KIAA1328: variants seen among roughly 807,000 people sequenced by gnomAD.
KIAA1328 encodes the protein KIAA1328, also known as protein hinderin.
In KIAA1328, 52 loss-of-function variants were observed where a neutral mutation model predicts 68.1. The ratio of observed to expected loss-of-function variants is 0.76; its 90% CI spans 0.61 to 0.96. The LOEUF is 0.96. KIAA1328 is among the 40% of genes least tolerant of loss of function. The pLI is 0.00. For missense variants in KIAA1328, 641 were observed against 677.6 expected, an observed-to-expected ratio of 0.95 and a Z score of 0.60; for synonymous variants, 232 against 239.4, an observed-to-expected ratio of 0.97 and a Z score of 0.28.
chr18:36,992,080 A>G (rs1031769835), intron 6 of KIAA1328, among the ~76,000 whole-genome samples: 4 of 152,170 alleles, frequency 2.6e-5, no homozygotes, highest in African/African-American at 9.7e-5. Context: ...ATGTCTTTTC[A>G]AGTTTTTGCC....
intron 8 of KIAA1328, among the ~76,000 whole-genome samples, chr18:37,171,680 G>A (rs1344719012): frequency 1.3e-5 from 2 of 152,138 alleles, no homozygotes; most frequent in African/African-American, 4.8e-5. Context: ...AGAATGAATT[G>A]TGCATTTAGA....
chr18:37,040,211 T>G (rs1196758865), intron 6 of KIAA1328, among the ~76,000 whole-genome samples: 3 of 152,236 alleles, frequency 2.0e-5, no homozygotes, highest in Non-Finnish European at 1.5e-5. Flanking sequence ...TTATGGTTAG[T>G]AGCAACAAAG....
rs115729832 is a variant in KIAA1328 at position 36,858,315 on chromosome 18, A to T, written c.332+14013A>T. Among the ~76,000 whole-genome samples, 998 of 152,216 alleles carry T rather than the reference A, an allele frequency of 6.6e-3. 15 individuals are homozygous for T. The highest frequency in any genetic ancestry group is 0.022 in the African/African-American group (924 of 41,544). ...TTTCTGATGTTAATATATCCATGGC[A>T]GCTTTCTTTAAAATTAGCATTTGCA... On this transcript the variant is annotated intron_variant, in intron 4 of 9. Coordinates refer to ENST00000280020, the MANE Select transcript of KIAA1328 (RefSeq NM_020776.3).
chr18:37,216,280 G>T (rs323483), intron 9 of KIAA1328, among the ~76,000 whole-genome samples: 62,829 of 151,934 alleles, frequency 0.41, 14,989 homozygotes, highest in African/African-American at 0.66. Flanking sequence ...CTTGTGGGCA[G>T]TTAGTGCTAT....
At chr18:36,836,962 C>T (rs1424480185) in intron 3 of KIAA1328, among the ~76,000 whole-genome samples, 1 of 152,106 alleles carries the variant, frequency 6.6e-6, no homozygotes, top group East Asian at 1.9e-4. Flanking sequence ...ATCATTACTT[C>T]ATTCCTTTTT....
intron 5 of KIAA1328, among the ~76,000 whole-genome samples, chr18:36,911,740 C>G (rs1226410481): frequency 6.6e-6 from 1 of 152,134 alleles, no homozygotes; most frequent in Non-Finnish European, 1.5e-5. Context: ...GATCAAATTA[C>G]TTTTTAAAGC....
chr18:37,062,098 T>G (rs185721438), intron 6 of KIAA1328, among the ~76,000 whole-genome samples: 7 of 152,242 alleles, frequency 4.6e-5, no homozygotes, highest in Non-Finnish European at 1.0e-4. Flanking sequence ...AACATGTTAG[T>G]GTAGAGTGAT....
At chr18:36,917,611 A>G (rs1239085465) in intron 5 of KIAA1328, among the ~76,000 whole-genome samples, 1 of 152,102 alleles carries the variant, frequency 6.6e-6, no homozygotes, top group African/African-American at 2.4e-5. Flanking sequence ...GAAATTTTTT[A>G]TTAGTTCATT....
At chr18:37,158,305 G>A (rs1599460549) in intron 7 of KIAA1328, among the ~76,000 whole-genome samples, 5 of 152,112 alleles carry the variant, frequency 3.3e-5, no homozygotes, top group Admixed American at 3.3e-4. Context: ...TGTTGAAAGA[G>A]GGATGCATTT....
At chr18:36,909,530 A>G (rs1568151167) in intron 5 of KIAA1328, among the ~76,000 whole-genome samples, 2 of 152,228 alleles carry the variant, frequency 1.3e-5, no homozygotes, top group South Asian at 4.2e-4. Flanking sequence ...AATCCAGTCT[A>G]TCATTGTTGG....
intron 5 of KIAA1328, among the ~76,000 whole-genome samples, chr18:36,949,519 T>TA (rs1405826963): frequency 2.7e-5 from 4 of 150,400 alleles, no homozygotes; most frequent in Non-Finnish European, 4.4e-5. Flanking sequence ...AGGTAGTTTC[T>TA]AAAATCCATA....
At chr18:36,945,886 T>C (rs770964590) in intron 5 of KIAA1328, among the ~76,000 whole-genome samples, 21 of 152,226 alleles carry the variant, frequency 1.4e-4, no homozygotes, top group Non-Finnish European at 2.9e-4. Context: ...TGTTATTACA[T>C]GTTGAATATC....
Position 37,222,682 on chromosome 18 carries a change from C to G in KIAA1328, c.*455C>G. 3.4e-5 allele frequency: 34 copies of G among 1,012,942 alleles called. No homozygotes were observed. Among genetic ancestry groups the G allele is most frequent in the Non-Finnish European group, 3.9e-5 (33 of 847,282 alleles). The allele number at this position is 1,012,942 out of a possible 1,614,324, so 62.7% of individuals were successfully genotyped here. A position where few individuals can be genotyped will look rare whatever the true frequency, so the allele number is the denominator to read the frequency against. On this transcript the variant is annotated 3_prime_UTR_variant, in exon 10 of 10. Transcript: ENST00000280020. ...CAGAAAGGCAGACTCTCTCATCTTT[C>G]TCATCCTGTTCTCTCACTACTACAT... is the stretch of plus-strand genomic sequence containing the variant.
intron 5 of KIAA1328, among the ~76,000 whole-genome samples, chr18:36,919,477 A>G (rs919380134): frequency 6.6e-6 from 1 of 152,064 alleles, no homozygotes; most frequent in Non-Finnish European, 1.5e-5. Flanking sequence ...TATCCAGTCC[A>G]CTGTTGATTC....
intron 6 of KIAA1328, among the ~76,000 whole-genome samples, chr18:37,052,713 A>G (rs1175835396): frequency 6.6e-6 from 1 of 152,200 alleles, no homozygotes; most frequent in African/African-American, 2.4e-5. Flanking sequence ...GTTCAAGCAG[A>G]GAACCAAATC....
chr18:37,216,001 T>C (rs2060424028), intron 9 of KIAA1328, among the ~76,000 whole-genome samples: 1 of 152,220 alleles, frequency 6.6e-6, no homozygotes, highest in African/African-American at 2.4e-5. Context: ...GATATCCCCT[T>C]TATCATTTTT....
intron 7 of KIAA1328, among the ~76,000 whole-genome samples, chr18:37,106,421 A>AT (rs2057776838): frequency 6.9e-6 from 1 of 144,132 alleles, no homozygotes; most frequent in Non-Finnish European, 1.5e-5. Context: ...ACTAAAAATC[A>AT]CTTTTTTTTT....
chr18:36,915,839 A>G (rs989197514), intron 5 of KIAA1328, among the ~76,000 whole-genome samples: 1 of 152,200 alleles, frequency 6.6e-6, no homozygotes, highest in South Asian at 2.1e-4. Flanking sequence ...CATTCATCCT[A>G]CAGAAATGAA....
intron 7 of KIAA1328, among the ~76,000 whole-genome samples, chr18:37,089,158 G>T (rs2057192905): frequency 6.6e-6 from 1 of 151,964 alleles, no homozygotes; most frequent in Non-Finnish European, 1.5e-5. Context: ...GAGGGGACGT[G>T]TATATGTGTG....
Sources: gnomAD v4.1 joint callset for allele counts (sites outside exome capture counted in the v4.1 genomes callset) on GRCh38, gnomAD v4.1.1 for gene constraint, MANE v1.5 for transcripts, NCBI Gene and HGNC (gene_info 2026-07-23, HGNC 2026-07-21) for gene names.